TXNL4A: variants seen among roughly 807,000 people sequenced by gnomAD.
TXNL4A encodes thioredoxin like 4A.
TXNL4A carries 17 observed loss-of-function variants against 14.6 expected under a neutral mutation model. That is an observed-to-expected ratio of 1.16 (90% CI 0.80 to 1.74). The LOEUF (loss-of-function observed/expected upper bound fraction) is 1.74. Ranked by LOEUF, TXNL4A falls within the 40% of genes most tolerant of loss-of-function variation. The probability of loss-of-function intolerance (pLI) is 0.00; values close to 1 mark genes in which losing one functional copy is unlikely to be tolerated. For missense variants in TXNL4A, 74 were observed against 195.2 expected, an observed-to-expected ratio of 0.38 and a Z score of 3.70; for synonymous variants, 83 against 70.6, an observed-to-expected ratio of 1.18 and a Z score of -0.88.
chr18:80,001,073 GC>G (rs139415284), intron 1 of TXNL4A, among the ~76,000 whole-genome samples: 1 of 152,206 alleles, frequency 6.6e-6, no homozygotes, highest in South Asian at 2.1e-4. Context: ...CTGGCCCAGG[GC>G]CCCCCTGCTG....
chr18:80,019,155 C>T (rs1433297271), intron 1 of TXNL4A, among the ~76,000 whole-genome samples: 1 of 152,124 alleles, frequency 6.6e-6, no homozygotes, highest in Admixed American at 6.5e-5. Flanking sequence ...TCAGCAACAC[C>T]CGACTCTACT....
chr18:80,014,568 C>A (rs2051793992), intron 1 of TXNL4A, among the ~76,000 whole-genome samples: 1 of 152,190 alleles, frequency 6.6e-6, no homozygotes, highest in African/African-American at 2.4e-5. Flanking sequence ...CAGCTCCACC[C>A]CTGTGGCTTT....
At chr18:80,029,024 C>T (rs1044186351) in intron 1 of TXNL4A, among the ~76,000 whole-genome samples, 16 of 152,146 alleles carry the variant, frequency 1.1e-4, no homozygotes, top group African/African-American at 3.9e-4. Flanking sequence ...CCATAAAACC[C>T]GAAACACTTA....
chr18:80,008,196 T>C (rs1387537073), intron 1 of TXNL4A, among the ~76,000 whole-genome samples: 1 of 152,190 alleles, frequency 6.6e-6, no homozygotes, highest in Non-Finnish European at 1.5e-5. Context: ...TCAGTGTGAC[T>C]TTGTTTGTTG....
At position 79,988,292 on chromosome 18, in the gene TXNL4A, C is replaced by T; in HGVS notation, c.101G>A (p.Trp34Ter). ...RVVVIRFGHD[W>*]DPTCMKMDEV... is the part of the protein sequence containing the mutation. ...GTCCATCTTCATGCACGTAGGATCC[C>T]AGTCGTGGCCGAAGCGGATGACGAC... The change falls in exon 1 of 3, where the codon TGG becomes TAG. Residue 34 changes from tryptophan to a stop codon, truncating the protein, a stop_gained. Coordinates refer to ENST00000269601, the MANE Select transcript of TXNL4A (RefSeq NM_006701.5). LOFTEE classifies it high-confidence loss of function. The T allele has an allele frequency of 6.2e-7, 1 of 1,604,512 alleles. No homozygotes were observed. The highest frequency in any genetic ancestry group is 8.5e-7 in the Non-Finnish European group (1 of 1,174,006).
intron 1 of TXNL4A, among the ~76,000 whole-genome samples, chr18:80,009,073 G>A (rs915155266): frequency 6.6e-5 from 10 of 152,280 alleles, no homozygotes; most frequent in African/African-American, 2.4e-4. Context: ...CACTGCGCCC[G>A]GCCTACTTTA....
intron 1 of TXNL4A, among the ~76,000 whole-genome samples, chr18:80,018,716 A>T (rs997649700): frequency 3.3e-5 from 5 of 152,252 alleles, no homozygotes; most frequent in Admixed American, 2.6e-4. Context: ...CCTCTACGCA[A>T]ATAAACTAGA....
Position 79,977,908 on chromosome 18 carries a change from A to C in TXNL4A, c.154-207T>G, listed in dbSNP as rs997762260. On this transcript the variant is annotated intron_variant, in intron 1 of 2. Transcript: ENST00000269601. Reference sequence around the variant, plus strand: ...AGCCTCGACCTCCCAGGCTCAAGCTATCCTCCCACCTCAGCCTCCCAAAGT... The same window carrying C: ...AGCCTCGACCTCCCAGGCTCAAGCTCTCCTCCCACCTCAGCCTCCCAAAGT... 7 of 560,152 alleles carry C rather than the reference A, an allele frequency of 1.2e-5. No individual in the cohort carries two copies. In the African/African-American group the frequency reaches 1.3e-4, roughly 11 times the overall value. 34.7% of individuals were successfully genotyped at this position (560,152 alleles called of 1,614,324 possible).
upstream of TXNL4A, among the ~76,000 whole-genome samples, chr18:79,992,699 T>C (rs2051635495): frequency 6.6e-6 from 1 of 152,106 alleles, no homozygotes; most frequent in South Asian, 2.1e-4. Context: ...GGTGTTCCTG[T>C]TAAAATTTCG....
intron 1 of TXNL4A, among the ~76,000 whole-genome samples, chr18:79,998,242 G>A (rs1333383320): frequency 2.6e-5 from 4 of 151,750 alleles, no homozygotes; most frequent in South Asian, 2.1e-4. Flanking sequence ...GCAGTGAGCC[G>A]AGATTGCACC....
At chr18:80,032,064 C>T (rs1479716891) in intron 1 of TXNL4A, among the ~76,000 whole-genome samples, 1 of 152,246 alleles carries the variant, frequency 6.6e-6, no homozygotes, top group Non-Finnish European at 1.5e-5. Flanking sequence ...TGTAGCCTGA[C>T]CTAGCTTCCA....
At chr18:79,984,488 C>T (rs1230369141) in intron 1 of TXNL4A, among the ~76,000 whole-genome samples, 1 of 152,166 alleles carries the variant, frequency 6.6e-6, no homozygotes, top group Admixed American at 6.5e-5. Flanking sequence ...CCCAGCTACT[C>T]AGGAGGCTGA....
chr18:80,001,100 G>A (rs914316884), intron 1 of TXNL4A, among the ~76,000 whole-genome samples: 28 of 152,226 alleles, frequency 1.8e-4, no homozygotes, highest in Non-Finnish European at 3.1e-4. Flanking sequence ...AGTCTAGTAA[G>A]GACTTGGTGC....
rs541634637 is a variant in TXNL4A, at chr18:79,984,328, TCA to T, written c.153+3910_153+3911del. On this transcript the variant is annotated intron_variant, in intron 1 of 2. Transcript: ENST00000269601. ...ACTATCATGGGCCAGGCATGGTGGC[TCA>T]CACTTGTAATCCCAGAATTTTGGGA... 1.3e-3 allele frequency among the ~76,000 whole-genome samples: 195 copies of T among 152,320 alleles called. 1 individual carries two copies. The highest frequency in any genetic ancestry group is 4.4e-3 in the African/African-American group (185 of 41,574).
chr18:79,996,036 G>A (rs573450016), intron 1 of TXNL4A, among the ~76,000 whole-genome samples: 21 of 144,900 alleles, frequency 1.4e-4, no homozygotes, highest in South Asian at 4.5e-4. Context: ...CCTGGGAGGC[G>A]GAGCTTGCAG....
chr18:80,002,315 G>A (rs756977429), intron 1 of TXNL4A, among the ~76,000 whole-genome samples: 31 of 152,182 alleles, frequency 2.0e-4, no homozygotes, highest in Non-Finnish European at 4.0e-4. Flanking sequence ...TCGTGTCTAG[G>A]TGCATGCTGA....
At chr18:79,999,207 A>G (rs1347820405) in intron 1 of TXNL4A, among the ~76,000 whole-genome samples, 2 of 152,184 alleles carry the variant, frequency 1.3e-5, no homozygotes, top group Non-Finnish European at 2.9e-5. Flanking sequence ...TCCTCAGGGC[A>G]ACCCATAAAA....
intron 1 of TXNL4A, among the ~76,000 whole-genome samples, chr18:80,029,985 A>T (rs1427413344): frequency 6.6e-6 from 1 of 152,250 alleles, no homozygotes; most frequent in Non-Finnish European, 1.5e-5. Flanking sequence ...GACATCTAAT[A>T]AAGAATTCCC....
At chr18:80,002,906 C>T (rs2051706851) in intron 1 of TXNL4A, among the ~76,000 whole-genome samples, 1 of 152,230 alleles carries the variant, frequency 6.6e-6, no homozygotes, top group Admixed American at 6.5e-5. Context: ...ATCCCACAGG[C>T]ATCGGTAGAC....
Sources: allele counts gnomAD v4.1 joint callset (sites outside exome capture counted in the v4.1 genomes callset), GRCh38; gene constraint gnomAD v4.1.1; transcripts MANE v1.5; gene names NCBI Gene and HGNC (gene_info 2026-07-23, HGNC 2026-07-21).